Variants in ABTB3 observed in about 807,000 individuals in gnomAD.
ABTB3 encodes the protein ankyrin repeat and BTB domain containing 3.
chr12:107,335,578 T>C, the ABTB3 span, among the ~76,000 whole-genome samples: 1 of 152,138 alleles, frequency 6.6e-6, no homozygotes, highest in South Asian at 2.1e-4. Context: ...TTATATATAC[T>C]GGGATTTTGA....
chr12:107,599,736 A>G, the ABTB3 span, among the ~76,000 whole-genome samples: 14 of 152,094 alleles, frequency 9.2e-5, no homozygotes, highest in African/African-American at 3.4e-4. Flanking sequence ...CACCTAATCC[A>G]GTGCCTGGCC....
At chr12:107,645,076 G>C in the ABTB3 span, among the ~76,000 whole-genome samples, 2 of 150,702 alleles carry the variant, frequency 1.3e-5, no homozygotes, top group African/African-American at 4.9e-5. Flanking sequence ...GGGTTCAAGT[G>C]ATTCTCCTGC....
the ABTB3 span, among the ~76,000 whole-genome samples, chr12:107,354,223 C>A: frequency 6.6e-6 from 1 of 152,128 alleles, no homozygotes; most frequent in African/African-American, 2.4e-5. Context: ...TTTGTAATAG[C>A]TTTCTTGAGA....
At chr12:107,616,994 G>A in the ABTB3 span, 2 of 1,254,686 alleles carry the variant, frequency 1.6e-6, no homozygotes, top group Non-Finnish European at 1.2e-6. Context: ...GGGAGGGAAG[G>A]AGTGCTGGCA....
At chr12:107,411,672 G>GC in the ABTB3 span, among the ~76,000 whole-genome samples, 77 of 152,170 alleles carry the variant, frequency 5.1e-4, no homozygotes, top group African/African-American at 1.8e-3. Context: ...CGGCCTGTGA[G>GC]CCCAAGGGCC....
At chr12:107,411,390 C>G in the ABTB3 span, among the ~76,000 whole-genome samples, 1 of 152,226 alleles carries the variant, frequency 6.6e-6, no homozygotes, top group African/African-American at 2.4e-5. Flanking sequence ...TGATTGTCTC[C>G]TATGTGTAGA....
At chr12:107,569,961 G>T in the ABTB3 span, among the ~76,000 whole-genome samples, 3 of 152,224 alleles carry the variant, frequency 2.0e-5, no homozygotes, top group African/African-American at 7.2e-5. Context: ...CTTACAGAGG[G>T]AAGACTAGAG....
chr12:107,487,856 T>G, the ABTB3 span, among the ~76,000 whole-genome samples: 1 of 151,772 alleles, frequency 6.6e-6, no homozygotes, highest in Non-Finnish European at 1.5e-5. Flanking sequence ...ATCAACTGAG[T>G]ATTTGAGCAG....
the ABTB3 span, among the ~76,000 whole-genome samples, chr12:107,396,784 ACT>A: frequency 6.6e-6 from 1 of 152,172 alleles, no homozygotes; most frequent in Non-Finnish European, 1.5e-5. Context: ...CTTGGTAGCC[ACT>A]CACTGTGGAC....
chr12:107,618,500 G>GCA, the ABTB3 span: 55 of 825,444 alleles, frequency 6.7e-5, no homozygotes, highest in Non-Finnish European at 9.2e-5. Context: ...ACACACACGT[G>GCA]CACACACACA....
At chr12:107,587,104 C>T in the ABTB3 span, among the ~76,000 whole-genome samples, 4 of 152,210 alleles carry the variant, frequency 2.6e-5, no homozygotes, top group Non-Finnish European at 4.4e-5. Context: ...GCTCAATAAA[C>T]GGGAGCACCC....
chr12:107,480,396 G>A, the ABTB3 span, among the ~76,000 whole-genome samples: 1 of 152,252 alleles, frequency 6.6e-6, no homozygotes, highest in Admixed American at 6.5e-5. Flanking sequence ...AATATCAGGT[G>A]GAGAGATGGG....
chr12:107,474,952 G>A, the ABTB3 span, among the ~76,000 whole-genome samples: 1 of 152,012 alleles, frequency 6.6e-6, no homozygotes, highest in Non-Finnish European at 1.5e-5. Context: ...CCCACCCTAG[G>A]TCCCATCAAA....
At chr12:107,334,234 A>G in the ABTB3 span, among the ~76,000 whole-genome samples, 2 of 152,166 alleles carry the variant, frequency 1.3e-5, no homozygotes, top group Non-Finnish European at 2.9e-5. Flanking sequence ...CCAGAGGAAC[A>G]AGAGTGCAGG....
the ABTB3 span, among the ~76,000 whole-genome samples, chr12:107,411,642 C>T: frequency 6.6e-6 from 1 of 152,178 alleles, no homozygotes; most frequent in Non-Finnish European, 1.5e-5. Context: ...GAGCCCTCTG[C>T]GCTGCCATGT....
chr12:107,587,709 T>C, the ABTB3 span, among the ~76,000 whole-genome samples: 3 of 152,116 alleles, frequency 2.0e-5, no homozygotes. Context: ...AAATAATCCA[T>C]ACATAGCAGG....
chr12:107,612,307 C>T, the ABTB3 span, among the ~76,000 whole-genome samples: 14 of 152,168 alleles, frequency 9.2e-5, no homozygotes, highest in South Asian at 2.1e-4. Flanking sequence ...TGATGGGCAA[C>T]GCCACATGCT....
At chr12:107,463,174 G>C in the ABTB3 span, among the ~76,000 whole-genome samples, 1 of 150,754 alleles carries the variant, frequency 6.6e-6, no homozygotes, top group African/African-American at 2.5e-5. Flanking sequence ...GGGTGGTGGT[G>C]GTAGTAATGA....
the ABTB3 span, among the ~76,000 whole-genome samples, chr12:107,369,121 T>C: frequency 6.6e-6 from 1 of 152,188 alleles, no homozygotes. Flanking sequence ...CTTTTTTTTC[T>C]TTTTGCTTTT....
Sources: gnomAD v4.1 joint callset for allele counts (sites outside exome capture counted in the v4.1 genomes callset) on GRCh38, gnomAD v4.1.1 for gene constraint, MANE v1.5 for transcripts, NCBI Gene and HGNC (gene_info 2026-07-23, HGNC 2026-07-21) for gene names.